Variants in AOX1 observed in about 807,000 individuals in gnomAD.
The protein encoded by AOX1 is aldehyde oxidase 1.
A neutral mutation model predicts 169.5 loss-of-function variants in AOX1; 153 were observed. The ratio of observed to expected loss-of-function variants is 0.90; its 90% CI spans 0.79 to 1.03. AOX1 has a LOEUF of 1.03. Among genes scored for constraint, AOX1 ranks in the 50% least tolerant of loss-of-function variants. AOX1 has a pLI of 0.00. For missense variants in AOX1, 1,656 were observed against 1,663.9 expected, an observed-to-expected ratio of 1.00 and a Z score of 0.08; for synonymous variants, 562 against 581.9, an observed-to-expected ratio of 0.97 and a Z score of 0.49.
chr2:200,601,461 A>G (rs1348895959), intron 5 of AOX1, among the ~76,000 whole-genome samples: 1 of 152,232 alleles, frequency 6.6e-6, no homozygotes, highest in Non-Finnish European at 1.5e-5. Flanking sequence ...TAGTAATCAC[A>G]AAATAAATGA....
chr2:200,649,145 G>A (rs532552107), intron 25 of AOX1, among the ~76,000 whole-genome samples: 4 of 152,128 alleles, frequency 2.6e-5, no homozygotes, highest in African/African-American at 9.7e-5. Flanking sequence ...TTCAGCTAGA[G>A]ATTTCTTTCT....
chr2:200,629,076 C>T (rs1397410313), intron 20 of AOX1, among the ~76,000 whole-genome samples: 9 of 152,174 alleles, frequency 5.9e-5, no homozygotes. Context: ...CCAGTCAGCC[C>T]AGCTTCTTAA....
At chr2:200,646,041 C>CT (rs1051062113) in intron 25 of AOX1, among the ~76,000 whole-genome samples, 1 of 151,688 alleles carries the variant, frequency 6.6e-6, no homozygotes, top group African/African-American at 2.4e-5. Flanking sequence ...ATCTTTTGTA[C>CT]TTTTTTTCCA....
In AOX1 at chr2:200,609,150, A is replaced by G. The variant is rs769702863; in HGVS notation, c.1059+15A>G. 1 of 1,613,410 alleles carries G rather than the reference A, an allele frequency of 6.2e-7. No individual in the cohort carries two copies. The highest frequency in any genetic ancestry group is 8.5e-7 in the Non-Finnish European group (1 of 1,179,760). On this transcript the variant is annotated intron_variant, in intron 11 of 34. Transcript: ENST00000374700. ...GGAACATGGCTGTATGTATCTGATG[A>G]CAGTAAACTCTGGTATGCATCCCTT...
At position 200,605,559 on chromosome 2, in the gene AOX1, G is replaced by A. The variant is rs373426863; in HGVS notation, c.838G>A (p.Val280Ile). 136 of 1,545,272 alleles carry A rather than the reference G, an allele frequency of 8.8e-5. No individual in the cohort carries two copies. Among genetic ancestry groups the A allele is most frequent in the South Asian group, 8.0e-4 (62 of 77,788 alleles). Reference protein sequence around the residue: ...SVGPEVKFKGVFHPVIISPDR... With the variant: ...SVGPEVKFKGIFHPVIISPDR... ...AGGGCCTGAAGTGAAATTTAAAGGCGTCTTTCACCCAGTTATAATTTCTCC... is the reference window on the plus strand; with the variant it reads ...AGGGCCTGAAGTGAAATTTAAAGGCATCTTTCACCCAGTTATAATTTCTCC... Residue 280 changes from valine to isoleucine, a missense_variant, in exon 10 of 35, where the codon GTC (valine) becomes ATC (isoleucine). By Grantham distance (29) the Val-to-Ile change is conservative. Coordinates refer to ENST00000374700, the MANE Select transcript of AOX1 (RefSeq NM_001159.4).
chr2:200,631,188 G>A (rs2035119449), intron 20 of AOX1, among the ~76,000 whole-genome samples: 1 of 152,174 alleles, frequency 6.6e-6, no homozygotes, highest in Non-Finnish European at 1.5e-5. Flanking sequence ...AGCACCAGAG[G>A]ATGCTAAAGA....
In AOX1 at chr2:200,666,684, T is replaced by G. The variant is rs1480371011; in HGVS notation, c.3544-3T>G. On this transcript the variant is annotated splice_region_variant and splice_polypyrimidine_tract_variant and intron_variant, in intron 31 of 34. Transcript: ENST00000374700. ...AAACATTTTAACTTTTTTTTAATACTAGAACATCAGAACAGACATTGTCAT... is the reference window on the plus strand; with the variant it reads ...AAACATTTTAACTTTTTTTTAATACGAGAACATCAGAACAGACATTGTCAT... 1 of 1,598,670 alleles carries G rather than the reference T, an allele frequency of 6.3e-7. No homozygotes were observed. The highest frequency in any genetic ancestry group is 2.3e-5 in the East Asian group (1 of 44,384).
rs1209348158 is a variant in AOX1 at position 200,621,155 on chromosome 2, G to C, written c.1910G>C (p.Gly637Ala). ...IDLSEALSMP[G>A]VVDIMTAEHL... ...CTGTCAGAAGCTCTCAGCATGCCCG[G>C]TGTGGTGGACATCATGACAGCAGAA... Residue 637 changes from glycine to alanine, a missense_variant, in exon 18 of 35, where the codon GGT (glycine) becomes GCT (alanine). Transcript: ENST00000374700. 1 of 1,614,010 alleles carries C rather than the reference G, an allele frequency of 6.2e-7. No individual in the cohort carries two copies. The highest frequency in any genetic ancestry group is 8.5e-7 in the Non-Finnish European group (1 of 1,179,994).
intron 28 of AOX1, 45 bp downstream of exon 28, chr2:200,659,338 G>A (rs1240851638): frequency 6.3e-7 from 1 of 1,588,546 alleles, no homozygotes; most frequent in Non-Finnish European, 8.6e-7. Flanking sequence ...CTCCCTCAGG[G>A]CCAAATACGT....
At chr2:200,631,870 CTA>C (rs2035134586) in intron 20 of AOX1, among the ~76,000 whole-genome samples, 1 of 152,100 alleles carries the variant, frequency 6.6e-6, no homozygotes, top group African/African-American at 2.4e-5. Flanking sequence ...GGTCTTTAGA[CTA>C]TTTGATAAGA....
intron 20 of AOX1, among the ~76,000 whole-genome samples, chr2:200,627,903 C>T (rs2035039586): frequency 6.6e-6 from 1 of 152,122 alleles, no homozygotes; most frequent in South Asian, 2.1e-4. Context: ...TCTTCTTCAT[C>T]CTTTCTCTCT....
At chr2:200,590,850 A>C (rs1047748649) in intron 1 of AOX1, among the ~76,000 whole-genome samples, 1 of 152,162 alleles carries the variant, frequency 6.6e-6, no homozygotes, top group Non-Finnish European at 1.5e-5. Context: ...TTATGGTGTT[A>C]TCTGAGACCC....
intron 16 of AOX1, 87 bp downstream of exon 16, chr2:200,616,150 C>A (rs372282115): frequency 2.1e-6 from 2 of 965,084 alleles, no homozygotes; most frequent in Non-Finnish European, 3.2e-6. Flanking sequence ...CCGTGAAACT[C>A]AAGCTCTGTA....
At chr2:200,589,632 G>T (rs1416862102) in intron 1 of AOX1, among the ~76,000 whole-genome samples, 11 of 152,198 alleles carry the variant, frequency 7.2e-5, no homozygotes, top group Admixed American at 7.2e-4. Flanking sequence ...GGTGTACACA[G>T]TAAACAGATT....
intron 12 of AOX1, among the ~76,000 whole-genome samples, chr2:200,610,688 T>A (rs1225749179): frequency 6.6e-6 from 1 of 152,148 alleles, no homozygotes; most frequent in South Asian, 2.1e-4. Flanking sequence ...AAATATTTGT[T>A]GGCTGACTTG....
chr2:200,646,413 G>A (rs1303771492), intron 25 of AOX1, among the ~76,000 whole-genome samples: 1 of 152,094 alleles, frequency 6.6e-6, no homozygotes, highest in Non-Finnish European at 1.5e-5. Flanking sequence ...TTCCACTGTG[G>A]TCTGAGAGAG....
chr2:200,664,211 GC>G (rs761785433), intron 31 of AOX1, among the ~76,000 whole-genome samples: 33 of 152,336 alleles, frequency 2.2e-4, no homozygotes, highest in African/African-American at 7.9e-4. Flanking sequence ...TGCAATCTCT[GC>G]CTCCTGGGTT....
intron 18 of AOX1, among the ~76,000 whole-genome samples, chr2:200,623,252 G>C (rs2034925147): frequency 6.6e-6 from 1 of 152,174 alleles, no homozygotes; most frequent in Non-Finnish European, 1.5e-5. Context: ...TGTGGTCCCT[G>C]TGTGAACTCC....
At chr2:200,678,248 GAACA>G (rs953801705), downstream of AOX1, 1 of 152,154 alleles carries the variant, frequency 6.6e-6, no homozygotes, top group African/African-American at 2.4e-5. Flanking sequence ...TTTGATCAAA[GAACA>G]AAGAGTATGT....
Sources: allele counts gnomAD v4.1 joint callset (sites outside exome capture counted in the v4.1 genomes callset), GRCh38; gene constraint gnomAD v4.1.1; transcripts MANE v1.5; gene names NCBI Gene and HGNC (gene_info 2026-07-23, HGNC 2026-07-21).